The following RERE variants were observed in gnomAD, a reference collection of about 807,000 sequenced individuals.
RERE encodes the protein arginine-glutamic acid dipeptide repeats, also known as arginine-glutamic acid dipeptide repeats protein.
Under a neutral mutation model 146.1 loss-of-function variants are expected in RERE, and 40 were observed. The ratio of observed to expected loss-of-function variants is 0.27; its 90% CI spans 0.21 to 0.36. The LOEUF (loss-of-function observed/expected upper bound fraction) is 0.36. Among genes scored for constraint, RERE ranks in the 10% least tolerant of loss-of-function variants. RERE has a pLI of 1.00. For synonymous variants in RERE, 1,003 were observed against 866.0 expected (o/e 1.16, Z -2.78); for missense variants, 1,933 against 2,138.7 (o/e 0.90, Z 1.90).
chr1:8,744,375 G>A (rs775885438), intron 1 of RERE, among the ~76,000 whole-genome samples: 18 of 152,158 alleles, frequency 1.2e-4, no homozygotes, highest in Non-Finnish European at 2.1e-4. Flanking sequence ...CATTATGAGG[G>A]TCACACTAAC....
At chr1:8,498,716 A>T (rs12736934) in intron 8 of RERE, among the ~76,000 whole-genome samples, 6,168 of 103,642 alleles carry the variant, frequency 0.06, 521 homozygotes, top group African/African-American at 0.21. Flanking sequence ...AAAATAAAAA[A>T]AAAAAAATAA....
intron 10 of RERE, among the ~76,000 whole-genome samples, chr1:8,486,495 C>G (rs1308394401): frequency 6.6e-6 from 1 of 151,770 alleles, no homozygotes; most frequent in Non-Finnish European, 1.5e-5. Context: ...CATTTTTGAA[C>G]AGAATAATAG....
intron 11 of RERE, among the ~76,000 whole-genome samples, chr1:8,461,865 G>A (rs1374502011): frequency 6.6e-6 from 1 of 152,060 alleles, no homozygotes; most frequent in Non-Finnish European, 1.5e-5. Flanking sequence ...TTTTTTTGGA[G>A]ACAGAGTCTT....
chr1:8,478,863 G>C (rs2124172969), intron 10 of RERE, among the ~76,000 whole-genome samples: 1 of 152,278 alleles, frequency 6.6e-6, no homozygotes, highest in African/African-American at 2.4e-5. Flanking sequence ...GTTTTGAGGG[G>C]CTAGGGTAGT....
In RERE at chr1:8,695,614, A is replaced by G. The variant is rs1458450975; in HGVS notation, c.-144-39173T>C. 2.1e-5 allele frequency among the ~76,000 whole-genome samples: 3 copies of G among 141,458 alleles called. No individual in the cohort carries two copies. The South Asian group carries it at 7.0e-4, about 33-fold the overall frequency. 92.8% of individuals were successfully genotyped at this position (141,458 alleles called of 152,430 possible). ...AAAAAAAAAAAAAAAAAAAAAAAAA[A>G]GCCAGGCATGGTAGTGAGCGCCTGT... On this transcript the variant is annotated intron_variant, in intron 1 of 22. Coordinates refer to ENST00000400908, the MANE Select transcript of RERE (RefSeq NM_001042681.2).
At chr1:8,432,885 T>G (rs1198293631) in intron 11 of RERE, among the ~76,000 whole-genome samples, 1 of 152,222 alleles carries the variant, frequency 6.6e-6, no homozygotes, top group Non-Finnish European at 1.5e-5. Context: ...ACTTGGACTC[T>G]CAGTGCAGAA....
At chr1:8,720,187 C>G (rs2124471880) in intron 1 of RERE, among the ~76,000 whole-genome samples, 1 of 151,342 alleles carries the variant, frequency 6.6e-6, no homozygotes, top group African/African-American at 2.4e-5. Flanking sequence ...GCAGGAGAAT[C>G]GCTTGAACCC....
intron 12 of RERE, among the ~76,000 whole-genome samples, chr1:8,382,470 G>A (rs769892712): frequency 4.6e-5 from 7 of 152,270 alleles, no homozygotes; most frequent in Non-Finnish European, 1.0e-4. Flanking sequence ...GAGAGAGCGC[G>A]CATGCTGGGG....
At chr1:8,490,565 T>C (rs954711555) in intron 10 of RERE, among the ~76,000 whole-genome samples, 3 of 149,914 alleles carry the variant, frequency 2.0e-5, no homozygotes, top group African/African-American at 7.6e-5. Flanking sequence ...TTAAAGAATA[T>C]GAAAAAATTG....
At position 8,541,177 on chromosome 1, in the gene RERE, A is replaced by G. The variant is rs146307269; in HGVS notation, c.830+37T>C. The stretch of plus-strand genomic sequence containing the variant: ...CACACACACAAATGAGAAAAGGAAA[A>G]GAGTTCTCAATGAATGGACACAAGT... On this transcript the variant is annotated intron_variant, in intron 7 of 22. Transcript: ENST00000400908. 5.9e-4 allele frequency: 675 copies of G among 1,143,490 alleles called. 1 individual carries two copies. In the African/African-American group the frequency reaches 7.9e-3, roughly 13 times the overall value. 70.8% of individuals were successfully genotyped at this position (1,143,490 alleles called of 1,614,324 possible). A position where few individuals can be genotyped will look rare whatever the true frequency, so the allele number is the denominator to read the frequency against.
Position 8,406,684 on chromosome 1 carries a change from G to A in RERE, c.1284+16043C>T, listed in dbSNP as rs565414093. Among the ~76,000 whole-genome samples the A allele has an allele frequency of 4.6e-5, 7 of 152,212 alleles. No homozygotes were observed. In the South Asian group the frequency reaches 1.5e-3, roughly 32 times the overall value. ...ATAACCCAAACTTTCTGAAAGTCAAGGGTTACACACAAAATAAATTTGTGT... is the reference window on the plus strand; with the variant it reads ...ATAACCCAAACTTTCTGAAAGTCAAAGGTTACACACAAAATAAATTTGTGT... On this transcript the variant is annotated intron_variant, in intron 12 of 22. Transcript: ENST00000400908.
chr1:8,711,968 TAC>T (rs1415025432), intron 1 of RERE, among the ~76,000 whole-genome samples: 1 of 152,078 alleles, frequency 6.6e-6, no homozygotes, highest in Non-Finnish European at 1.5e-5. Context: ...CAGAAAAAAA[TAC>T]ATACATTTAA....
In RERE at chr1:8,364,186, T is replaced by C. The variant is rs1231271071; in HGVS notation, c.1610A>G (p.Lys537Arg). The C allele has an allele frequency of 1.9e-6, 3 of 1,614,174 alleles. No individual in the cohort carries two copies. The highest frequency in any genetic ancestry group is 2.5e-6 in the Non-Finnish European group (3 of 1,180,016). ...AATGGGCGGGAGCTCACCGTATTTC[T>C]TGAAGTGGATGCGACAGTCGGTGCA... ...LLCTDCRIHFKKYGELPPIEK... is the reference protein window; with the variant it reads ...LLCTDCRIHFRKYGELPPIEK... The change falls in exon 15 of 23, where the codon AAG becomes AGG. Residue 537 changes from lysine to arginine, a missense_variant. Around this residue, in one of 11 missense-constraint regions of RERE, gnomAD observed 260 missense variants for 378.4 expected, o/e 0.69. Transcript: ENST00000400908. This position sits in a 1 kb window ranked among gnomAD's most constrained non-coding sequence, Gnocchi z 5.1.
At chr1:8,707,829 CCA>C (rs1313725804) in intron 1 of RERE, among the ~76,000 whole-genome samples, 9 of 152,166 alleles carry the variant, frequency 5.9e-5, no homozygotes, top group Non-Finnish European at 1.0e-4. Context: ...CCACTTTTAT[CCA>C]CAGTTTCGCT....
At chr1:8,731,167 C>T (rs1640071248) in intron 1 of RERE, among the ~76,000 whole-genome samples, 1 of 152,180 alleles carries the variant, frequency 6.6e-6, no homozygotes, top group Non-Finnish European at 1.5e-5. Flanking sequence ...CTGCAGAAGA[C>T]TGAGTGTGGA....
intron 11 of RERE, 118 bp downstream of exon 11, chr1:8,465,807 G>T: frequency 6.1e-6 from 5 of 816,434 alleles, no homozygotes; most frequent in Non-Finnish European, 1.0e-5. Flanking sequence ...GCGCTGCCAC[G>T]GACAGCCATT....
At chr1:8,534,398 G>A (rs1007423495) in intron 7 of RERE, among the ~76,000 whole-genome samples, 16 of 152,166 alleles carry the variant, frequency 1.1e-4, no homozygotes, top group Non-Finnish European at 5.9e-5. Flanking sequence ...ATTGAACTTG[G>A]AGAATTTCAC....
chr1:8,450,617 C>A (rs2124067346), intron 11 of RERE, among the ~76,000 whole-genome samples: 1 of 151,712 alleles, frequency 6.6e-6, no homozygotes, highest in Non-Finnish European at 1.5e-5. Flanking sequence ...CCCCCGAGCC[C>A]TGCTGCAGCT....
intron 12 of RERE, among the ~76,000 whole-genome samples, chr1:8,370,032 T>C (rs1641976813): frequency 6.6e-6 from 1 of 151,850 alleles, no homozygotes; most frequent in African/African-American, 2.4e-5. Context: ...CCTCGTTATT[T>C]GCCTGCCTCG....
Sources: gnomAD v4.1 joint callset for allele counts (sites outside exome capture counted in the v4.1 genomes callset) on GRCh38, gnomAD v4.1.1 for gene constraint, gnomAD v4.1.1 regional missense constraint, Gnocchi (gnomAD v3.1) non-coding constraint, MANE v1.5 for transcripts, NCBI Gene and HGNC (gene_info 2026-07-23, HGNC 2026-07-21) for gene names.